The following DOCK2 variants were observed in gnomAD, a reference collection of about 807,000 sequenced individuals.
The protein encoded by DOCK2 is dedicator of cytokinesis 2.
Under a neutral mutation model 248.9 loss-of-function variants are expected in DOCK2, and 87 were observed. That is an observed-to-expected ratio of 0.35 (90% CI 0.29 to 0.42). The LOEUF is 0.42. DOCK2 is among the 10% of genes least tolerant of loss of function. DOCK2 has a pLI of 1.00. For missense variants in DOCK2, 1,747 were observed against 2,300.2 expected, an observed-to-expected ratio of 0.76 and a Z score of 4.92; for synonymous variants, 805 against 821.6, an observed-to-expected ratio of 0.98 and a Z score of 0.35.
At position 169,937,845 on chromosome 5, in the gene DOCK2, A is replaced by G. The variant is rs547671827; in HGVS notation, c.2800-45223A>G. On this transcript the variant is annotated intron_variant, in intron 27 of 51. Transcript: ENST00000520908. ...TCTATTGGTCACTGACAACACTGAA[A>G]TCAAATATTTCTTCTCTCACGTGAG... is the stretch of plus-strand genomic sequence containing the variant. Among the ~76,000 whole-genome samples the G allele has an allele frequency of 2.0e-4, 30 of 152,290 alleles. No individual in the cohort carries two copies. The South Asian group carries it at 5.6e-3, about 28-fold the overall frequency.
chr5:169,895,639 T>A (rs943957418), intron 27 of DOCK2, among the ~76,000 whole-genome samples: 1 of 152,186 alleles, frequency 6.6e-6, no homozygotes. Flanking sequence ...CGTTACCTAT[T>A]GTAACCACAG....
chr5:169,779,832 T>A (rs1669872276), intron 25 of DOCK2, among the ~76,000 whole-genome samples: 1 of 152,104 alleles, frequency 6.6e-6, no homozygotes, highest in Admixed American at 6.5e-5. Flanking sequence ...ACCAGCCAGT[T>A]CCTAGGGAGG....
intron 27 of DOCK2, among the ~76,000 whole-genome samples, chr5:169,907,731 A>G (rs1774363713): frequency 6.6e-6 from 1 of 152,188 alleles, no homozygotes; most frequent in African/African-American, 2.4e-5. Context: ...CTTTCTCTAG[A>G]GCAGTGGTTT....
intron 4 of DOCK2, among the ~76,000 whole-genome samples, chr5:169,670,827 T>C (rs1357313600): frequency 6.6e-6 from 1 of 152,220 alleles, no homozygotes; most frequent in African/African-American, 2.4e-5. Context: ...TCAAACTTTT[T>C]GCTGGCAGCT....
At chr5:169,726,093 C>T (rs905302016) in intron 22 of DOCK2, among the ~76,000 whole-genome samples, 5 of 152,190 alleles carry the variant, frequency 3.3e-5, no homozygotes, top group Admixed American at 6.5e-5. Context: ...CTGTCTTCCA[C>T]AATGATTGAA....
In DOCK2 at chr5:170,005,069, A is replaced by T. The variant is rs984095130; in HGVS notation, c.3073-3428A>T. 6.6e-5 allele frequency among the ~76,000 whole-genome samples: 3 copies of T among 45,694 alleles called. No individual in the cohort carries two copies. In the East Asian group the frequency reaches 1.5e-3, roughly 22 times the overall value. 30.0% of individuals were successfully genotyped at this position (45,694 alleles called of 152,430 possible). A position where few individuals can be genotyped will look rare whatever the true frequency, so the allele number is the denominator to read the frequency against. Reference sequence around the variant, plus strand: ...GTACCCTAAAACTTAAAGTATAATAAAAAAAAAAAAAAATGAAGTACTGAT... The same window carrying T: ...GTACCCTAAAACTTAAAGTATAATATAAAAAAAAAAAAATGAAGTACTGAT... On this transcript the variant is annotated intron_variant, in intron 30 of 51. Coordinates refer to ENST00000520908, the MANE Select transcript of DOCK2 (RefSeq NM_004946.3).
chr5:169,702,561 C>A, intron 14 of DOCK2, 134 bp downstream of exon 14: 1 of 1,359,584 alleles, frequency 7.4e-7, no homozygotes, highest in South Asian at 1.4e-5. Flanking sequence ...ATAATGTGTT[C>A]AACACCTTTT....
chr5:169,920,736 A>C (rs1775127798), intron 27 of DOCK2, among the ~76,000 whole-genome samples: 2 of 152,172 alleles, frequency 1.3e-5, no homozygotes, highest in African/African-American at 2.4e-5. Context: ...CTGCAGATTT[A>C]ATTTATAGCT....
chr5:169,821,948 A>G (rs969259699), intron 26 of DOCK2, among the ~76,000 whole-genome samples: 14 of 152,238 alleles, frequency 9.2e-5, no homozygotes, highest in African/African-American at 3.1e-4. Context: ...TGGAAAACAA[A>G]AAAAGGCAGA....
intron 27 of DOCK2, chr5:169,884,245 G>A (rs1561794434): frequency 1.1e-5 from 2 of 185,102 alleles, no homozygotes; most frequent in East Asian, 2.8e-4. Context: ...TCTGATCTTG[G>A]AAGAAGCTGG....
At chr5:169,814,024 G>T (rs1287442485) in intron 26 of DOCK2, among the ~76,000 whole-genome samples, 1 of 152,174 alleles carries the variant, frequency 6.6e-6, no homozygotes, top group African/African-American at 2.4e-5. Flanking sequence ...CAGATTTATT[G>T]TTACAAGGAA....
chr5:169,810,366 ATGCGTGTG>A (rs1407234472), intron 26 of DOCK2, among the ~76,000 whole-genome samples: 1 of 152,204 alleles, frequency 6.6e-6, no homozygotes, highest in African/African-American at 2.4e-5. Context: ...GTGTGTGTAT[ATGCGTGTG>A]CATTTTGTCA....
At chr5:169,866,720 A>C (rs534878625) in intron 27 of DOCK2, among the ~76,000 whole-genome samples, 25 of 152,340 alleles carry the variant, frequency 1.6e-4, no homozygotes, top group African/African-American at 2.4e-4. Flanking sequence ...AGGCATGTGC[A>C]GACTCACATA....
intron 27 of DOCK2, among the ~76,000 whole-genome samples, chr5:169,873,677 A>G (rs969571964): frequency 6.6e-6 from 1 of 152,194 alleles, no homozygotes; most frequent in Non-Finnish European, 1.5e-5. Context: ...TGGCTGCTAA[A>G]CCCATAGGAC....
intron 27 of DOCK2, among the ~76,000 whole-genome samples, chr5:169,858,685 T>G (rs1209020875): frequency 1.3e-5 from 2 of 152,138 alleles, no homozygotes; most frequent in Admixed American, 1.3e-4. Context: ...TTGCTTTGGC[T>G]GCTATGTGGA....
At chr5:169,843,381 G>C (rs575052313) in intron 27 of DOCK2, among the ~76,000 whole-genome samples, 1 of 152,196 alleles carries the variant, frequency 6.6e-6, no homozygotes, top group African/African-American at 2.4e-5. Context: ...AATTAGCCAG[G>C]TGTGGTGGCA....
intron 27 of DOCK2, among the ~76,000 whole-genome samples, chr5:169,910,285 T>C (rs1774521750): frequency 6.6e-6 from 1 of 152,182 alleles, no homozygotes; most frequent in Non-Finnish European, 1.5e-5. Flanking sequence ...CCAAGCCGGT[T>C]ACCACCGCAT....
At chr5:169,843,215 A>C (rs1452230807) in intron 27 of DOCK2, among the ~76,000 whole-genome samples, 1 of 152,172 alleles carries the variant, frequency 6.6e-6, no homozygotes, top group Non-Finnish European at 1.5e-5. Flanking sequence ...AACATGTTGA[A>C]ATCCTACCTA....
intron 22 of DOCK2, among the ~76,000 whole-genome samples, chr5:169,730,140 A>T (rs936517641): frequency 2.0e-5 from 3 of 152,048 alleles, no homozygotes; most frequent in Non-Finnish European, 4.4e-5. Flanking sequence ...TATTTTTAGT[A>T]GAGATGGGGT....
Sources: allele counts gnomAD v4.1 joint callset (sites outside exome capture counted in the v4.1 genomes callset), GRCh38; gene constraint gnomAD v4.1.1; transcripts MANE v1.5; gene names NCBI Gene and HGNC (gene_info 2026-07-23, HGNC 2026-07-21).